Variants in CHRM2 observed in about 807,000 individuals in gnomAD.
CHRM2 encodes muscarinic acetylcholine receptor M2.
A neutral mutation model predicts 25.0 loss-of-function variants in CHRM2; 8 were observed. The observed-to-expected ratio is 0.32, with a 90% CI of 0.19 to 0.58. The LOEUF (loss-of-function observed/expected upper bound fraction) is 0.58. CHRM2 is among the 20% of genes least tolerant of loss of function. CHRM2 has a pLI of 0.88. For missense variants in CHRM2, 440 were observed against 567.1 expected, an observed-to-expected ratio of 0.78 and a Z score of 2.28; for synonymous variants, 202 against 205.7, an observed-to-expected ratio of 0.98 and a Z score of 0.15.
chr7:136,972,134 T>C (rs949004044), intron 2 of CHRM2, among the ~76,000 whole-genome samples: 5 of 152,168 alleles, frequency 3.3e-5, no homozygotes, highest in African/African-American at 7.2e-5. Flanking sequence ...ATGCCTTTTT[T>C]TTTTTCGTGG....
chr7:136,943,304 C>A (rs1269834089), intron 2 of CHRM2, among the ~76,000 whole-genome samples: 1 of 152,086 alleles, frequency 6.6e-6, no homozygotes, highest in Admixed American at 6.5e-5. Flanking sequence ...TTATTCTGTG[C>A]CTTTAACTAT....
intron 2 of CHRM2, among the ~76,000 whole-genome samples, chr7:136,964,455 C>T (rs1382001136): frequency 6.6e-6 from 1 of 152,122 alleles, no homozygotes; most frequent in Non-Finnish European, 1.5e-5. Context: ...CTCAGTTGGC[C>T]TTGGCAGTAT....
At chr7:137,007,729 T>G (rs2131096067) in intron 3 of CHRM2, among the ~76,000 whole-genome samples, 1 of 152,190 alleles carries the variant, frequency 6.6e-6, no homozygotes, top group Non-Finnish European at 1.5e-5. Flanking sequence ...TAAGCAAAAT[T>G]TAAGGACATT....
intron 2 of CHRM2, among the ~76,000 whole-genome samples, chr7:136,943,420 G>A (rs575533069): frequency 3.3e-5 from 5 of 152,228 alleles, no homozygotes; most frequent in African/African-American, 1.2e-4. Flanking sequence ...CAGAATAATA[G>A]GAACATAACT....
chr7:136,903,033 T>C, intron 2 of CHRM2: 1 of 497,582 alleles, frequency 2.0e-6, no homozygotes, highest in East Asian at 5.6e-5. Flanking sequence ...CTTTAAACAA[T>C]AGGCCAGAGA....
At chr7:136,886,802 G>A (rs953332168) in intron 2 of CHRM2, among the ~76,000 whole-genome samples, 9 of 152,164 alleles carry the variant, frequency 5.9e-5, no homozygotes, top group Non-Finnish European at 1.3e-4. Context: ...GCCCCCAGCA[G>A]GTCGAGGCTG....
At chr7:136,940,898 C>T (rs1041727886) in intron 2 of CHRM2, among the ~76,000 whole-genome samples, 1 of 152,172 alleles carries the variant, frequency 6.6e-6, no homozygotes, top group Non-Finnish European at 1.5e-5. Context: ...TCAGCTGTCA[C>T]AACTGGGGAC....
chr7:136,906,517 C>T (rs1797560760), intron 2 of CHRM2, among the ~76,000 whole-genome samples: 3 of 151,126 alleles, frequency 2.0e-5, no homozygotes, highest in Admixed American at 6.6e-5. Context: ...AATCATTTGC[C>T]TTATACTGTA....
At chr7:136,879,109 G>A (rs78399881) in intron 2 of CHRM2, among the ~76,000 whole-genome samples, 3,478 of 151,948 alleles carry the variant, frequency 0.023, 40 homozygotes, top group Non-Finnish European at 0.029. Flanking sequence ...TTGAGCCTTC[G>A]TAGTTCCCTG....
intron 2 of CHRM2, among the ~76,000 whole-genome samples, chr7:136,985,217 C>G (rs972021905): frequency 2.0e-5 from 3 of 152,066 alleles, no homozygotes; most frequent in Non-Finnish European, 1.5e-5. Flanking sequence ...TTAAAGATTA[C>G]TCGAGTTAAT....
chr7:136,958,666 A>C (rs963209418), intron 2 of CHRM2, among the ~76,000 whole-genome samples: 1 of 152,030 alleles, frequency 6.6e-6, no homozygotes, highest in African/African-American at 2.4e-5. Flanking sequence ...CATGTTGCCC[A>C]GGCTAGTCTC....
chr7:136,984,952 A>G (rs1802746220), intron 2 of CHRM2, among the ~76,000 whole-genome samples: 1 of 152,168 alleles, frequency 6.6e-6, no homozygotes. Flanking sequence ...TGGCACAACA[A>G]ATGAAGAATT....
At chr7:136,993,293 C>T (rs1441300961) in intron 3 of CHRM2, among the ~76,000 whole-genome samples, 3 of 152,126 alleles carry the variant, frequency 2.0e-5, no homozygotes, top group Non-Finnish European at 4.4e-5. Flanking sequence ...TGATCAGGAG[C>T]AAAAGCTTAG....
intron 2 of CHRM2, among the ~76,000 whole-genome samples, chr7:136,932,988 C>G (rs1336633276): frequency 6.6e-6 from 1 of 152,128 alleles, no homozygotes; most frequent in Non-Finnish European, 1.5e-5. Context: ...CCAGATTGTG[C>G]CACTGCACTT....
intron 2 of CHRM2, among the ~76,000 whole-genome samples, chr7:136,882,109 C>T (rs751331373): frequency 2.7e-4 from 41 of 151,970 alleles, no homozygotes; most frequent in African/African-American, 9.4e-4. Flanking sequence ...TTTCTCTATC[C>T]TCTGCCTTTA....
In CHRM2 at chr7:136,915,029, GA is replaced by G. The variant is rs1312498246; in HGVS notation, c.-125+45612del. Among the ~76,000 whole-genome samples the G allele has an allele frequency of 4.0e-5, 6 of 151,870 alleles. No homozygotes were observed. The East Asian group carries it at 9.7e-4, about 25-fold the overall frequency. On this transcript the variant is annotated intron_variant, in intron 2 of 3. Coordinates refer to ENST00000680005, the MANE Select transcript of CHRM2 (RefSeq NM_001006630.2). ...CAACAAAGTGTCAGCCCTATATGAA[GA>G]GTATGACATGTAGGAGTTTTAGATT...
intron 2 of CHRM2, among the ~76,000 whole-genome samples, chr7:136,935,449 G>A (rs1468645646): frequency 2.0e-5 from 3 of 152,038 alleles, no homozygotes; most frequent in Non-Finnish European, 2.9e-5. Context: ...TGGTAGGTAC[G>A]ACTAGACAAC....
At chr7:137,002,382 T>C (rs1804109586) in intron 3 of CHRM2, among the ~76,000 whole-genome samples, 1 of 152,200 alleles carries the variant, frequency 6.6e-6, no homozygotes, top group Non-Finnish European at 1.5e-5. Flanking sequence ...CTTAGTTTCA[T>C]GATTTGTTCT....
intron 3 of CHRM2, among the ~76,000 whole-genome samples, chr7:137,010,489 C>T (rs1263088156): frequency 1.3e-5 from 2 of 151,868 alleles, no homozygotes; most frequent in Admixed American, 6.6e-5. Flanking sequence ...CCTATGATGC[C>T]GCAACACATC....
Sources: allele counts gnomAD v4.1 joint callset (sites outside exome capture counted in the v4.1 genomes callset), GRCh38; gene constraint gnomAD v4.1.1; transcripts MANE v1.5; gene names NCBI Gene and HGNC (gene_info 2026-07-23, HGNC 2026-07-21).